The following TFDP2 variants were observed in gnomAD, a reference collection of about 807,000 sequenced individuals.
TFDP2 encodes the protein transcription factor Dp-2 (E2F dimerization partner 2).
Under a neutral mutation model 59.3 loss-of-function variants are expected in TFDP2, and 17 were observed. The observed-to-expected ratio is 0.29, with a 90% confidence interval of 0.20 to 0.43. The LOEUF is 0.43. Ranked by LOEUF, TFDP2 falls within the 20% of genes least tolerant of loss-of-function variation. The pLI, the probability that TFDP2 is intolerant of heterozygous loss-of-function variation, is 1.00. For missense variants in TFDP2, 391 were observed against 528.8 expected (o/e 0.74, Z 2.56); for synonymous variants, 180 against 194.7 (o/e 0.92, Z 0.63).
chr3:142,112,658 T>C (rs1335541980), intron 1 of TFDP2, among the ~76,000 whole-genome samples: 2 of 152,170 alleles, frequency 1.3e-5, no homozygotes. Flanking sequence ...TTCACTGAGG[T>C]AGAATTCTTC....
At chr3:141,968,541 A>T (rs1401450308) in intron 9 of TFDP2, among the ~76,000 whole-genome samples, 1 of 93,298 alleles carries the variant, frequency 1.1e-5, no homozygotes, top group Non-Finnish European at 1.9e-5. Context: ...TATATATAAC[A>T]TATATATATC....
chr3:142,063,903 T>G (rs967407012), intron 3 of TFDP2, among the ~76,000 whole-genome samples: 1 of 152,172 alleles, frequency 6.6e-6, no homozygotes, highest in Non-Finnish European at 1.5e-5. Flanking sequence ...TACTTGTTGC[T>G]CATTCTCCAC....
At chr3:142,127,125 T>A (rs926177177) in intron 1 of TFDP2, among the ~76,000 whole-genome samples, 2 of 148,592 alleles carry the variant, frequency 1.3e-5, no homozygotes, top group East Asian at 3.9e-4. Flanking sequence ...TATATCTATA[T>A]CCCTAGAGAC....
chr3:142,009,440 G>A lies in TFDP2; in HGVS notation c.83-3896C>T, dbSNP rs181229959. Among the ~76,000 whole-genome samples the A allele has an allele frequency of 7.9e-4, 120 of 152,246 alleles. 2 individuals are homozygous for A. The East Asian group carries it at 0.013, about 17-fold the overall frequency. On this transcript the variant is annotated intron_variant, in intron 3 of 12. Transcript: ENST00000489671. ...CTTAAAACAAAATGTGGCCGGGCAC[G>A]GTGGCTCATGCCTGTAATCCCAGCA... is the stretch of plus-strand genomic sequence containing the variant.
chr3:142,044,563 G>A (rs959403519), intron 3 of TFDP2, among the ~76,000 whole-genome samples: 1 of 151,976 alleles, frequency 6.6e-6, no homozygotes, highest in Non-Finnish European at 1.5e-5. Flanking sequence ...TAGAGACAGA[G>A]TTTCACCACG....
chr3:142,068,010 A>G (rs1449851818), intron 3 of TFDP2, among the ~76,000 whole-genome samples: 1 of 151,778 alleles, frequency 6.6e-6, no homozygotes, highest in Non-Finnish European at 1.5e-5. Flanking sequence ...GCTTAAAAAA[A>G]AAAAAAAAAA....
At chr3:142,031,597 T>C (rs1030845575) in intron 3 of TFDP2, among the ~76,000 whole-genome samples, 6 of 152,222 alleles carry the variant, frequency 3.9e-5, no homozygotes, top group Non-Finnish European at 5.9e-5. Flanking sequence ...GCAGATTATA[T>C]AGGTTGTGTC....
intron 1 of TFDP2, among the ~76,000 whole-genome samples, chr3:142,117,708 A>C (rs1300977012): frequency 1.3e-5 from 2 of 152,220 alleles, no homozygotes; most frequent in African/African-American, 2.4e-5. Context: ...GCAGCCTCCT[A>C]GAAACAGTGC....
At chr3:142,020,484 G>A (rs1045525299) in intron 3 of TFDP2, among the ~76,000 whole-genome samples, 10 of 151,294 alleles carry the variant, frequency 6.6e-5, no homozygotes, top group African/African-American at 1.5e-4. Flanking sequence ...GCGGTGAGCC[G>A]AGATGGTGCC....
chr3:142,139,400 C>A (rs1193944501), intron 1 of TFDP2, among the ~76,000 whole-genome samples: 1 of 152,152 alleles, frequency 6.6e-6, no homozygotes, highest in African/African-American at 2.4e-5. Flanking sequence ...TGGATTTGAT[C>A]CTGTCATTAT....
At chr3:141,960,101 G>T (rs1022786962) in intron 10 of TFDP2, among the ~76,000 whole-genome samples, 1 of 152,132 alleles carries the variant, frequency 6.6e-6, no homozygotes, top group African/African-American at 2.4e-5. Flanking sequence ...TACAAACAGA[G>T]GATAGAAATT....
chr3:142,135,444 T>C (rs2062689809), intron 1 of TFDP2, among the ~76,000 whole-genome samples: 1 of 152,074 alleles, frequency 6.6e-6, no homozygotes, highest in Non-Finnish European at 1.5e-5. Flanking sequence ...CTAGGGTACA[T>C]GTGCACAACA....
chr3:142,069,519 C>T (rs577796176), intron 3 of TFDP2, among the ~76,000 whole-genome samples: 4 of 152,090 alleles, frequency 2.6e-5, no homozygotes, highest in Admixed American at 2.6e-4. Flanking sequence ...CTCATAAAGG[C>T]TGTACTAATT....
chr3:141,996,718 T>C (rs1201119315), intron 4 of TFDP2, among the ~76,000 whole-genome samples: 2 of 152,204 alleles, frequency 1.3e-5, no homozygotes, highest in African/African-American at 4.8e-5. Context: ...GACCTAGTTA[T>C]TAAAGTCTAG....
At chr3:142,105,425 G>A (rs545113415) in intron 1 of TFDP2, among the ~76,000 whole-genome samples, 1 of 152,032 alleles carries the variant, frequency 6.6e-6, no homozygotes, top group East Asian at 1.9e-4. Context: ...TTGTTGGTGT[G>A]GGCTACCAGA....
chr3:142,143,211 G>A (rs2063027196), intron 1 of TFDP2, among the ~76,000 whole-genome samples: 1 of 152,058 alleles, frequency 6.6e-6, no homozygotes, highest in South Asian at 2.1e-4. Flanking sequence ...ACTCCAGCCT[G>A]GGCAACAGAG....
At chr3:142,045,132 T>C (rs1053081970) in intron 3 of TFDP2, among the ~76,000 whole-genome samples, 6 of 152,046 alleles carry the variant, frequency 3.9e-5, no homozygotes, top group Non-Finnish European at 8.8e-5. Flanking sequence ...ATGTCCTTCT[T>C]TTATTTTGCA....
intron 11 of TFDP2, among the ~76,000 whole-genome samples, chr3:141,956,948 C>CG (rs397876117): frequency 6.6e-6 from 1 of 150,828 alleles, no homozygotes; most frequent in East Asian, 2.0e-4. Context: ...CCACCCCCCC[C>CG]ACAAAAATCA....
chr3:141,994,937 C>A, intron 5 of TFDP2, 83 bp downstream of exon 5: 1 of 1,262,632 alleles, frequency 7.9e-7, no homozygotes, highest in Non-Finnish European at 1.1e-6. Context: ...TAAACTAAAA[C>A]AAGAACAGAA....
Sources: gnomAD v4.1 joint callset for allele counts (sites outside exome capture counted in the v4.1 genomes callset) on GRCh38, gnomAD v4.1.1 for gene constraint, MANE v1.5 for transcripts, NCBI Gene and HGNC (gene_info 2026-07-23, HGNC 2026-07-21) for gene names.